The following KCTD2 variants were observed in gnomAD, a reference collection of about 807,000 sequenced individuals.
KCTD2 encodes the protein potassium channel tetramerization domain containing 2.
A neutral mutation model predicts 27.9 loss-of-function variants in KCTD2; 18 were observed. The observed-to-expected ratio is 0.64, with a 90% CI of 0.45 to 0.96. The LOEUF (loss-of-function observed/expected upper bound fraction) is 0.96, where lower values mean the gene tolerates loss of function less well. Among genes scored for constraint, KCTD2 ranks in the 40% least tolerant of loss-of-function variants. The pLI, the probability that KCTD2 is intolerant of heterozygous loss-of-function variation, is 0.00. For missense variants in KCTD2, 280 were observed against 348.0 expected, an observed-to-expected ratio of 0.80 and a Z score of 1.56; for synonymous variants, 175 against 148.4, an observed-to-expected ratio of 1.18 and a Z score of -1.30.
At chr17:75,035,149 G>T (rs921203183) in intron 2 of KCTD2, 1 of 152,084 alleles carries the variant, frequency 6.6e-6, no homozygotes. Context: ...TCTGACTTCG[G>T]ATCAGAAGAT....
At chr17:75,059,051 T>C (rs1435082533) in intron 3 of KCTD2, 1 of 151,988 alleles carries the variant, frequency 6.6e-6, no homozygotes. Flanking sequence ...TGAGCCAAGA[T>C]TGCACCATTG....
At chr17:75,044,368 G>C (rs757474225), upstream of KCTD2, among the ~76,000 whole-genome samples, 13 of 114,394 alleles carry the variant, frequency 1.1e-4, 4 homozygotes, top group African/African-American at 2.6e-4. Context: ...ACCGCGCCCG[G>C]CTAATTTTTT....
chr17:75,051,013 G>A (rs1205317452), intron 2 of KCTD2, among the ~76,000 whole-genome samples: 1 of 141,580 alleles, frequency 7.1e-6, no homozygotes, highest in Non-Finnish European at 1.5e-5. Flanking sequence ...TTGCTCTGTT[G>A]CCCAGGCTGG....
At chr17:75,059,056 C>G (rs548664503) in intron 3 of KCTD2, 1 of 152,042 alleles carries the variant, frequency 6.6e-6, no homozygotes, top group Non-Finnish European at 1.5e-5. Flanking sequence ...CAAGATTGCA[C>G]CATTGCACTC....
In KCTD2 at chr17:75,035,832, A is replaced by AAAAC. The variant is rs574227442; in HGVS notation, c.-259+499_-259+502dup. On this transcript the variant is annotated intron_variant, in intron 3 of 7. Coordinates refer to the KCTD2 transcript ENST00000581589. ...TGGGCAACAGAGCGAAAGCCGTCTC[A>AAAAC]AAACAAACAAACAAACAAACAAACA... Among the ~76,000 whole-genome samples, 82 of 152,056 alleles carry AAAAC rather than the reference A, an allele frequency of 5.4e-4. No individual in the cohort carries two copies. The South Asian group carries it at 6.0e-3, about 11-fold the overall frequency.
upstream of KCTD2, among the ~76,000 whole-genome samples, chr17:75,045,665 C>T (rs987719689): frequency 2.0e-5 from 3 of 149,836 alleles, no homozygotes; most frequent in African/African-American, 7.4e-5. Flanking sequence ...GTTTAAGGTT[C>T]TCTCTTGTTC....
intron 2 of KCTD2, chr17:75,034,155 T>C (rs1157473489): frequency 6.6e-6 from 1 of 152,158 alleles, no homozygotes; most frequent in Non-Finnish European, 1.5e-5. Context: ...AATGAACAGC[T>C]TTCGTCCGGG....
intron 3 of KCTD2, chr17:75,039,295 G>A (rs1409025186): frequency 3.1e-6 from 5 of 1,611,138 alleles, no homozygotes; most frequent in African/African-American, 1.3e-5. Flanking sequence ...GAGAAATTCA[G>A]TTCTGAAACC....
chr17:75,039,382 G>A (rs1598684858), intron 3 of KCTD2: 1 of 961,976 alleles, frequency 1.0e-6, no homozygotes, highest in East Asian at 2.5e-5. Flanking sequence ...GCTCTATGGA[G>A]AAACTGTGGT....
intron 2 of KCTD2, among the ~76,000 whole-genome samples, chr17:75,034,350 G>A (rs918220420): frequency 3.9e-5 from 6 of 152,176 alleles, no homozygotes; most frequent in African/African-American, 1.4e-4. Flanking sequence ...GAGGCAAGCA[G>A]GTAGCGGGCA....
rs2073450378 is a variant in KCTD2 at position 75,065,685 on chromosome 17, G to A, written c.*2638G>A. 1.3e-5 allele frequency: 2 copies of A among 152,280 alleles called. No homozygotes were observed. Among genetic ancestry groups the A allele is most frequent in the Non-Finnish European group, 2.9e-5 (2 of 68,100 alleles). The allele number at this position is 152,280 out of a possible 1,614,324, so 9.4% of individuals were successfully genotyped here. On this transcript the variant is annotated 3_prime_UTR_variant, in exon 6 of 6. Transcript: ENST00000322444. ...GTTGTAACTGCTCTTGGGGATGTCA[G>A]TGAGGCTGGGAGCAGGGAGCCACGG...
chr17:75,060,105 C>A (rs568546902), intron 4 of KCTD2, among the ~76,000 whole-genome samples: 3 of 152,140 alleles, frequency 2.0e-5, no homozygotes, highest in East Asian at 1.9e-4. Flanking sequence ...CTCGTGCTTA[C>A]GACTGAGCTA....
upstream of KCTD2, among the ~76,000 whole-genome samples, chr17:75,043,622 A>AC: frequency 6.6e-6 from 1 of 151,938 alleles, no homozygotes; most frequent in African/African-American, 2.4e-5. Context: ...AAAAAAAAAA[A>AC]AAAAAACAAA....
Position 75,065,443 on chromosome 17 carries a change from A to C in KCTD2, c.*2396A>C, listed in dbSNP as rs996675217. ...GGCTGTCACGTGACCAGTGACCCAC[A>C]CTCTCTGCTGCCCAGTACTGCCAAG... On this transcript the variant is annotated 3_prime_UTR_variant, in exon 6 of 6. Coordinates refer to ENST00000322444, the MANE Select transcript of KCTD2 (RefSeq NM_015353.3). 6.6e-6 allele frequency: 1 copy of C among 151,768 alleles called. No homozygotes were observed. Among genetic ancestry groups the C allele is most frequent in the Admixed American group, 6.6e-5 (1 of 15,218 alleles). The allele number at this position is 151,768 out of a possible 1,614,324, so 9.4% of individuals were successfully genotyped here. A position where few individuals can be genotyped will look rare whatever the true frequency, so the allele number is the denominator to read the frequency against.
upstream of KCTD2, among the ~76,000 whole-genome samples, chr17:75,042,833 A>C (rs1293218938): frequency 6.6e-6 from 1 of 152,124 alleles, no homozygotes; most frequent in Admixed American, 6.6e-5. Context: ...GTGAGTCGAG[A>C]CTGCATCACT....
intron 2 of KCTD2, chr17:75,035,127 A>C (rs1312229179): frequency 6.6e-6 from 1 of 151,496 alleles, no homozygotes; most frequent in East Asian, 2.0e-4. Context: ...GCGTGGCCTA[A>C]TGGATAAGGC....
chr17:75,062,699 A>ACACACACACACACACACAC (rs1555642380), intron 5 of KCTD2, among the ~76,000 whole-genome samples: 11 of 115,986 alleles, frequency 9.5e-5, no homozygotes, highest in South Asian at 3.6e-4. Flanking sequence ...CCTCACCCCC[A>ACACACACACACACACACAC]ACACACACAC....
At chr17:75,062,743 C>CAG (rs1567995328) in intron 5 of KCTD2, among the ~76,000 whole-genome samples, 17 of 146,094 alleles carry the variant, frequency 1.2e-4, no homozygotes, top group Admixed American at 4.8e-4. Flanking sequence ...CACACACACA[C>CAG]AGCTTCTAAA....
chr17:75,039,336 G>A, intron 3 of KCTD2: 2 of 1,463,214 alleles, frequency 1.4e-6, no homozygotes, highest in Non-Finnish European at 1.9e-6. Flanking sequence ...AGCTGCTAAG[G>A]TAGGAGTCGT....
Sources: allele counts gnomAD v4.1 joint callset (sites outside exome capture counted in the v4.1 genomes callset), GRCh38; gene constraint gnomAD v4.1.1; transcripts MANE v1.5; gene names NCBI Gene and HGNC (gene_info 2026-07-23, HGNC 2026-07-21).